The following DDX49 variants were observed in gnomAD, a reference collection of about 807,000 sequenced individuals.
DDX49 encodes the protein DEAD-box helicase 49, also known as probable ATP-dependent RNA helicase DDX49.
In DDX49, 50 loss-of-function variants were observed where a neutral mutation model predicts 56.3. That is an observed-to-expected ratio of 0.89 (90% CI 0.71 to 1.12). DDX49 has a LOEUF of 1.12. Ranked by LOEUF, DDX49 falls within the 50% of genes most tolerant of loss-of-function variation. The probability of loss-of-function intolerance (pLI) is 0.00; values close to 1 mark genes in which losing one functional copy is unlikely to be tolerated. For synonymous variants in DDX49, 269 were observed against 270.6 expected (o/e 0.99, Z 0.06); for missense variants, 614 against 650.5 (o/e 0.94, Z 0.61).
rs1404263794 is a variant in DDX49 at position 18,919,761 on chromosome 19, T to C, written c.20T>C (p.Leu7Pro). Reference sequence around the variant, plus strand: ...ACAAGGATGGCAGGCTTCGCGGAGCTCGGGCTGTCATCGTGGCTCGTGGAA... The same window carrying C: ...ACAAGGATGGCAGGCTTCGCGGAGCCCGGGCTGTCATCGTGGCTCGTGGAA... MAGFAE[L>P]GLSSWLVEQC... Residue 7 changes from leucine (L) to proline (P), a missense_variant, in exon 1 of 13, where the codon CTC becomes CCC. By Grantham distance (98) the Leu-to-Pro change is moderately conservative. Transcript: ENST00000247003. 6.2e-7 allele frequency: 1 copy of C among 1,610,568 alleles called. No individual in the cohort carries two copies. The highest frequency in any genetic ancestry group is 2.2e-5 in the East Asian group (1 of 44,754).
Position 18,921,956 on chromosome 19 carries a change from C to A in DDX49, c.439C>A (p.Arg147Ser). 6.2e-7 allele frequency: 1 copy of A among 1,609,224 alleles called. No homozygotes were observed. Among genetic ancestry groups the A allele is most frequent in the Non-Finnish European group, 8.5e-7 (1 of 1,177,072 alleles). Reference sequence around the variant, plus strand: ...CAACACTTTTAGTATAAAGAAGATCCGCTTCCTGGTGAGTTCGCCCCGCCC... The same window carrying A: ...CAACACTTTTAGTATAAAGAAGATCAGCTTCCTGGTGAGTTCGCCCCGCCC... ...SSNTFSIKKI[R>S]FLVMDEADRL... Residue 147 changes from arginine to serine, a missense_variant, in exon 4 of 13, where the codon CGC becomes AGC. By Grantham distance (110) the Arg-to-Ser change is moderately radical (BLOSUM62 -1). Coordinates refer to ENST00000247003, the MANE Select transcript of DDX49 (RefSeq NM_019070.5).
At chr19:18,924,447 A>C in intron 7 of DDX49, 139 bp downstream of exon 7, 1 of 1,081,920 alleles carries the variant, frequency 9.2e-7, no homozygotes, top group Non-Finnish European at 1.4e-6. Flanking sequence ...GCAGCTCAAG[A>C]GGCCCTCCCT....
In DDX49 at chr19:18,928,279, C is replaced by T. The variant is rs1448502890; in HGVS notation, c.1415C>T (p.Ser472Phe). The change falls in exon 13 of 13, where the codon TCC becomes TTC. Residue 472 changes from serine to phenylalanine, a missense_variant. Coordinates refer to ENST00000247003, the MANE Select transcript of DDX49 (RefSeq NM_019070.5). ...CGTCCACCCAGGACACCGTCTGGGT[C>T]CCACTCAGGCCCAGTCCCCTCCCAG... ...KGRPPRTPSG[S>F]HSGPVPSQGL... The T allele has an allele frequency of 1.9e-6, 3 of 1,577,140 alleles. No homozygotes were observed. The highest frequency in any genetic ancestry group is 2.6e-6 in the Non-Finnish European group (3 of 1,161,774).
chr19:18,925,956 C>T (rs1189335545), intron 9 of DDX49, among the ~76,000 whole-genome samples: 1 of 152,214 alleles, frequency 6.6e-6, no homozygotes, highest in Non-Finnish European at 1.5e-5. Flanking sequence ...CCCTAGTCAA[C>T]GTCACAGAAA....
In DDX49 at chr19:18,921,672, C is replaced by G. The variant is rs1400762338; in HGVS notation, c.249C>G (p.Ala83=). ...CCCTTCACACCCACAGGGAGCTGGC[C>G]TACCAGATCGCAGAGCAGTTCCGGG... ...CLVLTPTREL[A]YQIAEQFRVL... is the part of the protein sequence containing the mutation. The change falls in exon 3 of 13, where the codon GCC becomes GCG. Residue 83 remains alanine, a synonymous_variant. Transcript: ENST00000247003. 2 of 1,614,112 alleles carry G rather than the reference C, an allele frequency of 1.2e-6. No individual in the cohort carries two copies. Among genetic ancestry groups the G allele is most frequent in the Non-Finnish European group, 1.7e-6 (2 of 1,180,016 alleles).
intron 10 of DDX49, among the ~76,000 whole-genome samples, chr19:18,927,037 C>T (rs948429503): frequency 1.4e-4 from 20 of 138,470 alleles, no homozygotes; most frequent in South Asian, 4.5e-4. Context: ...CGCGCCATTA[C>T]GCTCCAGCCT....
rs2056926944 is a variant in DDX49 at position 18,922,513 on chromosome 19, CG to C, written c.635+1del. On this transcript the variant is annotated splice_donor_variant, in intron 5 of 12. Coordinates refer to ENST00000247003, the MANE Select transcript of DDX49 (RefSeq NM_019070.5). LOFTEE classifies it high-confidence loss of function. ...CCCTTCTTCTGGGAAGCACAGGCCC[CG>C]TGAGTCCACAGCCCAGACAGCGTGG... 3 of 1,599,826 alleles carry C rather than the reference CG, an allele frequency of 1.9e-6. No homozygotes were observed. The highest frequency in any genetic ancestry group is 2.6e-6 in the Non-Finnish European group (3 of 1,175,438).
Position 18,920,700 on chromosome 19 carries a change from C to T in DDX49, c.236C>T (p.Thr79Ile). 6.3e-7 allele frequency: 1 copy of T among 1,594,798 alleles called. No individual in the cohort carries two copies. The highest frequency in any genetic ancestry group is 8.6e-7 in the Non-Finnish European group (1 of 1,164,068). ...ATCTTCTGCCTCGTCCTGACACCCA[C>T]CAGGTAAGCCCCCAGCAGGCCTCCT... ...YGIFCLVLTP[T>I]RELAYQIAEQ... The change falls in exon 2 of 13, where the codon ACC (threonine) becomes ATC (isoleucine). Residue 79 changes from threonine (T) to isoleucine (I), a missense_variant. Transcript: ENST00000247003.
chr19:18,922,848 T>A, intron 6 of DDX49, 104 bp downstream of exon 6: 1 of 1,435,266 alleles, frequency 7.0e-7, no homozygotes, highest in Non-Finnish European at 9.5e-7. Flanking sequence ...CCCCAGCCTC[T>A]GCTCAGCCTG....
At position 18,920,703 on chromosome 19, in the gene DDX49, G is replaced by C. The variant is rs780267061; in HGVS notation, c.239G>C (p.Arg80Thr). ...TTCTGCCTCGTCCTGACACCCACCA[G>C]GTAAGCCCCCAGCAGGCCTCCTGGG... ...GIFCLVLTPT[R>T]ELAYQIAEQF... is the part of the protein sequence containing the mutation. The change falls in exon 2 of 13, where the codon AGG (arginine) becomes ACG (threonine). Residue 80 changes from arginine (R) to threonine (T), a missense_variant and splice_region_variant. Physicochemically the swap from Arg to Thr is moderately conservative, Grantham distance 71. Coordinates refer to ENST00000247003, the MANE Select transcript of DDX49 (RefSeq NM_019070.5). 1 of 1,594,706 alleles carries C rather than the reference G, an allele frequency of 6.3e-7. No individual in the cohort carries two copies. Among genetic ancestry groups the C allele is most frequent in the Non-Finnish European group, 8.6e-7 (1 of 1,164,086 alleles).
At chr19:18,923,894 G>A (rs1425339768) in intron 6 of DDX49, among the ~76,000 whole-genome samples, 1 of 146,282 alleles carries the variant, frequency 6.8e-6, no homozygotes, top group Non-Finnish European at 1.5e-5. Context: ...TGCAACCTCT[G>A]TCTCCTGGGT....
intron 10 of DDX49, 89 bp downstream of exon 10, chr19:18,926,466 C>T (rs1301748871): frequency 9.0e-6 from 11 of 1,225,048 alleles, no homozygotes; most frequent in African/African-American, 7.4e-5. Context: ...TCCCGTCAGA[C>T]ACCAGCCGGC....
chr19:18,924,680 G>A lies in DDX49; in HGVS notation c.910G>A (p.Ala304Thr), dbSNP rs776652227. 2.3e-5 allele frequency: 37 copies of A among 1,614,204 alleles called. No homozygotes were observed. The highest frequency in any genetic ancestry group is 6.6e-5 in the South Asian group (6 of 91,086). Residue 304 changes from alanine (A) to threonine (T), a missense_variant, in exon 8 of 13, where the codon GCA (alanine) becomes ACA (threonine). Coordinates refer to ENST00000247003, the MANE Select transcript of DDX49 (RefSeq NM_019070.5). ...FKSSIYRILI[A>T]TDVASRGLDI... is the part of the protein sequence containing the mutation. ...GTCCAGCATCTACCGGATCCTGATC[G>A]CAACAGACGTGGCCTCCCGGTGAGC...
At chr19:18,921,125 G>A (rs59530883) in intron 2 of DDX49, among the ~76,000 whole-genome samples, 6,130 of 149,850 alleles carry the variant, frequency 0.041, 411 homozygotes, top group African/African-American at 0.14. Context: ...TGGGCAACAA[G>A]AGCAAAACTC....
Position 18,919,720 on chromosome 19 carries a change from G to C in DDX49, c.-22G>C, listed in dbSNP as rs755529476. ...CGGATCACACGGGCCCCTACAAGGG[G>C]CCCCTACAAGCGGCCACAAGGATGG... On this transcript the variant is annotated 5_prime_UTR_variant, in exon 1 of 13. Coordinates refer to ENST00000247003, the MANE Select transcript of DDX49 (RefSeq NM_019070.5). 6.3e-7 allele frequency: 1 copy of C among 1,593,158 alleles called. No homozygotes were observed. Among genetic ancestry groups the C allele is most frequent in the Non-Finnish European group, 8.6e-7 (1 of 1,164,584 alleles).
rs58183479 is a variant in DDX49, at chr19:18,928,263, A to G, written c.1399A>G (p.Arg467Gly). ...GGCTGGCCACAAGGGGCGTCCACCC[A>G]GGACACCGTCTGGGTCCCACTCAGG... ...GRAGHKGRPP[R>G]TPSGSHSGPV... The change falls in exon 13 of 13, where the codon AGG (arginine) becomes GGG (glycine). Residue 467 changes from arginine (R) to glycine (G), a missense_variant. Coordinates refer to ENST00000247003, the MANE Select transcript of DDX49 (RefSeq NM_019070.5). The G allele has an allele frequency of 4.7e-4, 749 of 1,586,904 alleles. No individual in the cohort carries two copies. Among genetic ancestry groups the G allele is most frequent in the African/African-American group, 1.3e-3 (100 of 74,648 alleles).
At position 18,924,954 on chromosome 19, in the gene DDX49, C is replaced by A. The variant is rs1243666915; in HGVS notation, c.1002C>A (p.His334Gln). The A allele has an allele frequency of 6.2e-7, 1 of 1,612,098 alleles. No individual in the cohort carries two copies. The highest frequency in any genetic ancestry group is 8.5e-7 in the Non-Finnish European group (1 of 1,179,966). The change falls in exon 9 of 13, where the codon CAC becomes CAA. Residue 334 changes from histidine (H) to glutamine (Q), a missense_variant. His to Gln is a conservative substitution (Grantham distance 24, BLOSUM62 0). Coordinates refer to ENST00000247003, the MANE Select transcript of DDX49 (RefSeq NM_019070.5). The part of the protein sequence containing the change: ...NTPGLPKIYI[H>Q]RVGRTARAGR... ...CCGGGCTCCCCAAGATCTACATCCA[C>A]CGAGTCGGCCGGACGGCCCGTGCAG...
chr19:18,927,903 G>A (rs748703495), intron 11 of DDX49, 49 bp downstream of exon 11: 2 of 1,613,802 alleles, frequency 1.2e-6, no homozygotes, highest in Non-Finnish European at 1.7e-6. Context: ...AGGGCCGGGG[G>A]TGCTCCCTTC....
chr19:18,925,139 A>T, intron 9 of DDX49, 160 bp downstream of exon 9: 2 of 1,060,556 alleles, frequency 1.9e-6, no homozygotes, highest in Non-Finnish European at 2.6e-6. Context: ...GCAAAGGTGA[A>T]TCCCAGCTAC....
Sources: gnomAD v4.1 joint callset for allele counts (sites outside exome capture counted in the v4.1 genomes callset) on GRCh38, gnomAD v4.1.1 for gene constraint, MANE v1.5 for transcripts, NCBI Gene and HGNC (gene_info 2026-07-23, HGNC 2026-07-21) for gene names.